Variants in TK1 observed in about 807,000 individuals in gnomAD.
The protein encoded by TK1 is thymidine kinase 1.
TK1 carries 13 observed loss-of-function variants against 22.4 expected under a neutral mutation model. The ratio of observed to expected loss-of-function variants is 0.58; its 90% CI spans 0.38 to 0.92. The LOEUF (loss-of-function observed/expected upper bound fraction) is 0.92, where lower values mean the gene tolerates loss of function less well. Ranked by LOEUF, TK1 falls within the 40% of genes least tolerant of loss-of-function variation. TK1 has a pLI of 0.00. For synonymous variants in TK1, 134 were observed against 125.4 expected, an observed-to-expected ratio of 1.07 and a Z score of -0.46; for missense variants, 251 against 315.7, an observed-to-expected ratio of 0.80 and a Z score of 1.55.
intron 4 of TK1, among the ~76,000 whole-genome samples, chr17:78,176,632 C>T (rs533231198): frequency 1.3e-5 from 2 of 152,174 alleles, no homozygotes; most frequent in Non-Finnish European, 2.9e-5. Flanking sequence ...CACTCGTTCC[C>T]TCTTTTTCTC....
chr17:78,182,771 T>G, intron 3 of TK1, 89 bp from the exon 4 acceptor site: 1 of 946,382 alleles, frequency 1.1e-6, no homozygotes. Flanking sequence ...CGTGACCACC[T>G]GCTACCTGCA....
Position 78,182,569 on chromosome 17 carries a change from GC to G in TK1, c.303+19del, listed in dbSNP as rs1275709095. 6.5e-7 allele frequency: 1 copy of G among 1,550,062 alleles called. No individual in the cohort carries two copies. The highest frequency in any genetic ancestry group is 8.7e-7 in the Non-Finnish European group (1 of 1,144,034). On this transcript the variant is annotated intron_variant, in intron 4 of 6. Coordinates refer to ENST00000301634, the MANE Select transcript of TK1 (RefSeq NM_003258.5). ...AGCGGAAGCTGGCAGGAAGAGTGAT[GC>G]CAAGACAAGCCAACTTACAAACTGC... is the stretch of plus-strand genomic sequence containing the variant.
chr17:78,176,868 C>T lies in TK1; in HGVS notation c.304-1250G>A, dbSNP rs374343325. On this transcript the variant is annotated intron_variant, in intron 4 of 6. Coordinates refer to ENST00000301634, the MANE Select transcript of TK1 (RefSeq NM_003258.5). The stretch of plus-strand genomic sequence containing the variant: ...GAACACACCTCCCACCCCCCAGCTG[C>T]GACAAAATTGTTTCTAGTTGTTGTG... Among the ~76,000 whole-genome samples the T allele has an allele frequency of 3.3e-5, 5 of 152,202 alleles. No individual in the cohort carries two copies. The East Asian group carries it at 5.8e-4, about 18-fold the overall frequency.
At chr17:78,179,358 GGCA>G (rs2075722834) in intron 4 of TK1, 1 of 985,264 alleles carries the variant, frequency 1.0e-6, no homozygotes, top group African/African-American at 1.7e-5. Context: ...TCAAGCACGG[GGCA>G]GCAACAACGA....
At chr17:78,176,340 A>T (rs1400721662) in intron 4 of TK1, among the ~76,000 whole-genome samples, 3 of 152,156 alleles carry the variant, frequency 2.0e-5, no homozygotes, top group African/African-American at 7.2e-5. Context: ...GGTTGAGTTC[A>T]TATGTCCAGA....
At chr17:78,175,219 G>GTTTTTGTTTTTTTTTTTTT in intron 5 of TK1, 50 bp from the exon 6 acceptor site, 2 of 1,574,990 alleles carry the variant, frequency 1.3e-6, no homozygotes, top group African/African-American at 1.4e-5. Context: ...TACCAGGTGG[G>GTTTTTGTTTTTTTTTTTTT]TTTTTCTTTT....
At chr17:78,175,300 G>A in intron 5 of TK1, 131 bp from the exon 6 acceptor site, 6 of 1,333,776 alleles carry the variant, frequency 4.5e-6, no homozygotes, top group Non-Finnish European at 6.0e-6. Context: ...CCAACCCCCA[G>A]AGCACCATGC....
At position 78,175,361 on chromosome 17, in the gene TK1, G is replaced by C. The variant is rs568531778; in HGVS notation, c.393+168C>G. ...AAGCACCTGCCGCAACAGATGGCACGCAGTCTGCACAGACCATGGAGTCCC... is the reference window on the plus strand; with the variant it reads ...AAGCACCTGCCGCAACAGATGGCACCCAGTCTGCACAGACCATGGAGTCCC... On this transcript the variant is annotated intron_variant, in intron 5 of 6. Coordinates refer to ENST00000301634, the MANE Select transcript of TK1 (RefSeq NM_003258.5). Among the ~76,000 whole-genome samples, 3 of 151,958 alleles carry C rather than the reference G, an allele frequency of 2.0e-5. No homozygotes were observed. In the East Asian group the frequency reaches 5.8e-4, roughly 30 times the overall value.
chr17:78,174,964 CA>C lies in TK1; in HGVS notation c.514-15del. 6.2e-7 allele frequency: 1 copy of C among 1,611,678 alleles called. No individual in the cohort carries two copies. The highest frequency in any genetic ancestry group is 8.5e-7 in the Non-Finnish European group (1 of 1,178,322). ...AATCACCTCGACCTGGCCGCAGGGACAGGGGATGGGTGAAGGGCCAGGACAG... is the reference window on the plus strand; with the variant it reads ...AATCACCTCGACCTGGCCGCAGGGACGGGGATGGGTGAAGGGCCAGGACAG... On this transcript the variant is annotated splice_polypyrimidine_tract_variant and intron_variant, in intron 6 of 6. Coordinates refer to ENST00000301634, the MANE Select transcript of TK1 (RefSeq NM_003258.5).
chr17:78,185,868 G>A (rs1286190609), intron 2 of TK1, among the ~76,000 whole-genome samples: 1 of 152,188 alleles, frequency 6.6e-6, no homozygotes, highest in Admixed American at 6.5e-5. Flanking sequence ...GTCTTTGTGT[G>A]CAGCGTCAAA....
rs1012527830 is a variant in TK1 at position 78,182,648 on chromosome 17, G to A, written c.244C>T (p.Arg82Ter). The A allele has an allele frequency of 4.4e-6, 7 of 1,594,806 alleles. No individual in the cohort carries two copies. Among genetic ancestry groups the A allele is most frequent in the Admixed American group, 3.5e-5 (2 of 57,484 alleles). Residue 82 changes from arginine to a stop codon, truncating the protein, a stop_gained, in exon 4 of 7, where the codon CGA becomes TGA. Coordinates refer to ENST00000301634, the MANE Select transcript of TK1 (RefSeq NM_003258.5). LOFTEE classifies it high-confidence loss of function. ...TMEALPACLL[R>*]DVAQEALGVA... ...CCCAGGGCCTCCTGGGCCACGTCTC[G>A]GAGCAGGCAGGCGGGCAGTGCCTCC... is the stretch of plus-strand genomic sequence containing the variant.
Position 78,174,773 on chromosome 17 carries a change from T to G in TK1, c.691A>C (p.Ser231Arg). Residue 231 changes from serine to arginine, a missense_variant, in exon 7 of 7, where the codon AGC becomes CGC. Ser to Arg is a moderately radical substitution (Grantham distance 110). Transcript: ENST00000301634. ...TCGCAGGTCCCTCAGTTGGCAGGGC[T>G]GCATTGCAGAATCTGCTGTGGGGCA... is the stretch of plus-strand genomic sequence containing the variant. ...LFAPQQILQCSPAN is the reference protein window; with the variant it reads ...LFAPQQILQCRPAN 6.2e-7 allele frequency: 1 copy of G among 1,608,044 alleles called. No homozygotes were observed. Among genetic ancestry groups the G allele is most frequent in the East Asian group, 2.2e-5 (1 of 44,598 alleles).
chr17:78,174,726 G>A lies in TK1; in HGVS notation c.*33C>T. The A allele has an allele frequency of 1.9e-6, 3 of 1,544,574 alleles. No homozygotes were observed. The highest frequency in any genetic ancestry group is 2.4e-5 in the East Asian group (1 of 41,804). On this transcript the variant is annotated 3_prime_UTR_variant, in exon 7 of 7. Coordinates refer to ENST00000301634, the MANE Select transcript of TK1 (RefSeq NM_003258.5). ...GGGCAGCGTCCAGTAGGCGGCAGTGGCAGGAAGGGAGCGGGCGGCCCTCGC... is the reference window on the plus strand; with the variant it reads ...GGGCAGCGTCCAGTAGGCGGCAGTGACAGGAAGGGAGCGGGCGGCCCTCGC...
intron 4 of TK1, among the ~76,000 whole-genome samples, chr17:78,176,010 T>A (rs577822663): frequency 6.6e-6 from 1 of 152,234 alleles, no homozygotes; most frequent in Non-Finnish European, 1.5e-5. Flanking sequence ...TCTCTGAACC[T>A]GTTTCCTTTT....
rs753556251 is a variant in TK1 at position 78,185,132 on chromosome 17, C to G, written c.132G>C (p.Gln44His). Residue 44 changes from glutamine to histidine, a missense_variant, in exon 3 of 7, where the codon CAG becomes CAC. Physicochemically the swap from Gln to His is conservative, Grantham distance 24. Transcript: ENST00000301634. ...TELMRRVRRF[Q>H]IAQYKCLVIK... Reference sequence around the variant, plus strand: ...TCACCAGGCACTTGTACTGAGCAATCTGGAAGCGACGGACGCGTCTCATCA... The same window carrying G: ...TCACCAGGCACTTGTACTGAGCAATGTGGAAGCGACGGACGCGTCTCATCA... 4.3e-6 allele frequency: 7 copies of G among 1,612,014 alleles called. No individual in the cohort carries two copies. Among genetic ancestry groups the G allele is most frequent in the Non-Finnish European group, 5.9e-6 (7 of 1,179,572 alleles).
chr17:78,176,201 C>G (rs772359589), intron 4 of TK1, among the ~76,000 whole-genome samples: 2 of 151,726 alleles, frequency 1.3e-5, no homozygotes, highest in Admixed American at 6.6e-5. Context: ...ACAGCACAGC[C>G]TTCTAAATTC....
intron 4 of TK1, among the ~76,000 whole-genome samples, chr17:78,176,099 G>A (rs566633010): frequency 1.4e-4 from 21 of 152,202 alleles, no homozygotes; most frequent in Non-Finnish European, 2.9e-4. Context: ...GAATAGGTGG[G>A]CGCTTTGTGC....
intron 2 of TK1, among the ~76,000 whole-genome samples, chr17:78,185,623 C>T (rs1041036638): frequency 9.2e-5 from 14 of 152,048 alleles, no homozygotes; most frequent in Non-Finnish European, 5.9e-5. Flanking sequence ...CTTCCGGGTT[C>T]AAGAGATTCT....
At chr17:78,185,522 A>T (rs1218745378) in intron 2 of TK1, among the ~76,000 whole-genome samples, 9 of 146,618 alleles carry the variant, frequency 6.1e-5, no homozygotes, top group Admixed American at 4.3e-4. Flanking sequence ...CAGAGTTCAG[A>T]GTTTTTCTTT....
Sources: allele counts gnomAD v4.1 joint callset (sites outside exome capture counted in the v4.1 genomes callset), GRCh38; gene constraint gnomAD v4.1.1; transcripts MANE v1.5; gene names NCBI Gene and HGNC (gene_info 2026-07-23, HGNC 2026-07-21).